DPP8: variants seen among roughly 807,000 people sequenced by gnomAD.
DPP8 encodes the protein dipeptidyl peptidase 8, also known as DPP VIII.
DPP8 carries 31 observed loss-of-function variants against 107.5 expected under a neutral mutation model. The ratio of observed to expected loss-of-function variants is 0.29; its 90% CI spans 0.22 to 0.39. DPP8 has a LOEUF of 0.39. DPP8 is among the 10% of genes least tolerant of loss of function. DPP8 has a pLI of 1.00. For missense variants in DPP8, 842 were observed against 1,076.1 expected (o/e 0.78, Z 3.04); for synonymous variants, 381 against 356.6 (o/e 1.07, Z -0.77).
rs563137383 is a variant in DPP8 at position 65,445,074 on chromosome 15, G to A, written c.*1810C>T. The A allele has an allele frequency of 6.6e-5, 10 of 152,160 alleles. No individual in the cohort carries two copies. Among genetic ancestry groups the A allele is most frequent in the East Asian group, 3.9e-4 (2 of 5,188 alleles). 9.4% of individuals were successfully genotyped at this position (152,160 alleles called of 1,614,324 possible). A position where few individuals can be genotyped will look rare whatever the true frequency, so the allele number is the denominator to read the frequency against. On this transcript the variant is annotated 3_prime_UTR_variant, in exon 20 of 20. Transcript: ENST00000300141. ...ACATATACAGATAATAAGAAAAAGC[G>A]TGGTATCTATTATACAGTATAAATA...
intron 2 of DPP8, among the ~76,000 whole-genome samples, chr15:65,511,090 CAGTACTTCCACTCTT>C (rs2070714573): frequency 6.6e-6 from 1 of 151,824 alleles, no homozygotes; most frequent in African/African-American, 2.4e-5. Context: ...CCCTTTTTCC[CAGTACTTCCACTCTT>C]AGGAATTAGT....
intron 8 of DPP8, among the ~76,000 whole-genome samples, chr15:65,484,565 AAGACTGACTCGGG>A (rs1595999092): frequency 2.6e-5 from 4 of 151,992 alleles, no homozygotes; most frequent in African/African-American, 9.7e-5. Flanking sequence ...CTAGAAGAGG[AAGACTGACTCGGG>A]AGCCTCTCTC....
intron 1 of DPP8, chr15:65,517,230 A>G (rs1222296308): frequency 6.6e-6 from 1 of 152,116 alleles, no homozygotes; most frequent in Non-Finnish European, 1.5e-5. Flanking sequence ...GCCAGCGCCC[A>G]GAGCTCAAGG....
rs2068141408 is a variant in DPP8, at chr15:65,492,504, A to G, written c.716-2205T>C. ...TCTATTATTTTATATTATTACTATC[A>G]AAGTATGAAAGTTCTTCTCCAACAT... On this transcript the variant is annotated intron_variant, in intron 5 of 19. Transcript: ENST00000300141. 2.0e-5 allele frequency among the ~76,000 whole-genome samples: 3 copies of G among 152,180 alleles called. No individual in the cohort carries two copies. In the South Asian group the frequency reaches 6.2e-4, roughly 32 times the overall value.
chr15:65,481,589 T>C lies in DPP8; in HGVS notation c.1044A>G (p.Leu348=). The C allele has an allele frequency of 6.4e-7, 1 of 1,574,610 alleles. No individual in the cohort carries two copies. Among genetic ancestry groups the C allele is most frequent in the Non-Finnish European group, 8.6e-7 (1 of 1,158,060 alleles). ...GRIIDVIDKE[L]IQPFEILFEG... ...CAAATAGAATCTCAAAAGGTTGAATTAGTTCCTTATCTATGACATCTATGA... is the reference window on the plus strand; with the variant it reads ...CAAATAGAATCTCAAAAGGTTGAATCAGTTCCTTATCTATGACATCTATGA... Residue 348 remains leucine (L), a synonymous_variant, in exon 9 of 20, where the codon CTA becomes CTG. Coordinates refer to ENST00000300141, the MANE Select transcript of DPP8 (RefSeq NM_130434.5).
intron 2 of DPP8, 200 bp downstream of exon 2, chr15:65,512,095 T>G (rs571539108): frequency 1.4e-6 from 1 of 712,320 alleles, no homozygotes; most frequent in Admixed American, 2.0e-5. Flanking sequence ...CATGATCAAT[T>G]AATGACTTGT....
chr15:65,495,716 T>C (rs986664487), intron 5 of DPP8, among the ~76,000 whole-genome samples: 1 of 151,886 alleles, frequency 6.6e-6, no homozygotes, highest in South Asian at 2.1e-4. Context: ...CTGGCCAACA[T>C]GGTGAAACCC....
At chr15:65,468,490 A>G (rs2065556774) in intron 12 of DPP8, among the ~76,000 whole-genome samples, 1 of 120,152 alleles carries the variant, frequency 8.3e-6, no homozygotes, top group Non-Finnish European at 1.7e-5. Context: ...CAAGACCCTT[A>G]TCTCAAAAAA....
intron 3 of DPP8, among the ~76,000 whole-genome samples, chr15:65,506,739 T>TTA (rs943837924): frequency 1.1e-4 from 16 of 149,036 alleles, no homozygotes; most frequent in South Asian, 4.2e-4. Flanking sequence ...TTAAAAACTA[T>TTA]TATATATATA....
In DPP8 at chr15:65,490,851, C is replaced by T. The variant is rs1489657286; in HGVS notation, c.716-552G>A. ...GGGGACTCGTTTTAAAAGAAAACCA[C>T]AAAGCCATAATTATGTAAGATTTTG... On this transcript the variant is annotated intron_variant, in intron 5 of 19. Coordinates refer to ENST00000300141, the MANE Select transcript of DPP8 (RefSeq NM_130434.5). Among the ~76,000 whole-genome samples the T allele has an allele frequency of 2.6e-5, 4 of 152,022 alleles. No homozygotes were observed. The East Asian group carries it at 7.7e-4, about 29-fold the overall frequency.
At chr15:65,486,372 A>G (rs1567227063) in intron 7 of DPP8, among the ~76,000 whole-genome samples, 2 of 151,928 alleles carry the variant, frequency 1.3e-5, no homozygotes, top group Non-Finnish European at 1.5e-5. Context: ...ATTGCACTCC[A>G]GCCTGGGTGA....
intron 8 of DPP8, among the ~76,000 whole-genome samples, chr15:65,484,655 C>T (rs987374206): frequency 2.7e-4 from 27 of 98,330 alleles, no homozygotes; most frequent in African/African-American, 1.0e-3. Flanking sequence ...GCTCTTAACT[C>T]AAAAAAAAAA....
chr15:65,455,538 ACTT>A (rs746425683), intron 16 of DPP8: 1 of 465,606 alleles, frequency 2.1e-6, no homozygotes, highest in Non-Finnish European at 3.2e-6. Context: ...TGAACATACT[ACTT>A]CTTTAAAGTC....
At chr15:65,498,156 T>C in intron 4 of DPP8, 124 bp from the exon 5 acceptor site, 1 of 679,386 alleles carries the variant, frequency 1.5e-6, no homozygotes, top group Non-Finnish European at 2.2e-6. Flanking sequence ...GCGTGGTGAC[T>C]TACGCCTGTA....
At chr15:65,513,268 C>T (rs995381374) in intron 1 of DPP8, among the ~76,000 whole-genome samples, 10 of 151,160 alleles carry the variant, frequency 6.6e-5, no homozygotes, top group South Asian at 2.1e-4. Flanking sequence ...GACTGGAGTG[C>T]GGTGGCAAAA....
chr15:65,490,716 G>C (rs1035509083), intron 5 of DPP8, among the ~76,000 whole-genome samples: 3 of 152,172 alleles, frequency 2.0e-5, no homozygotes, highest in Admixed American at 6.6e-5. Context: ...TTTAGACCTA[G>C]AGTGAATCTT....
At position 65,481,603 on chromosome 15, in the gene DPP8, T is replaced by C. The variant is rs1210486796; in HGVS notation, c.1030A>G (p.Ile344Val). The change falls in exon 9 of 20, where the codon ATA becomes GTA. Residue 344 changes from isoleucine (I) to valine (V), a missense_variant. Coordinates refer to ENST00000300141, the MANE Select transcript of DPP8 (RefSeq NM_130434.5). ...IDAEGRIIDV[I>V]DKELIQPFEI... ...AAAGGTTGAATTAGTTCCTTATCTA[T>C]GACATCTATGATCTATTAAAAAAGA... 1 of 1,507,504 alleles carries C rather than the reference T, an allele frequency of 6.6e-7. No individual in the cohort carries two copies. 93.4% of individuals were successfully genotyped at this position (1,507,504 alleles called of 1,614,324 possible).
intron 5 of DPP8, among the ~76,000 whole-genome samples, chr15:65,496,477 T>C (rs960790489): frequency 1.3e-5 from 2 of 152,200 alleles, no homozygotes; most frequent in African/African-American, 4.8e-5. Context: ...CCATCTTTCA[T>C]TTGTATGAAA....
At chr15:65,496,816 ATT>A (rs1185461247) in intron 5 of DPP8, among the ~76,000 whole-genome samples, 4 of 138,860 alleles carry the variant, frequency 2.9e-5, no homozygotes, top group African/African-American at 2.6e-5. Context: ...ACATCCAGCT[ATT>A]TTTTTTTTTT....
Sources: gnomAD v4.1 joint callset for allele counts (sites outside exome capture counted in the v4.1 genomes callset) on GRCh38, gnomAD v4.1.1 for gene constraint, MANE v1.5 for transcripts, NCBI Gene and HGNC (gene_info 2026-07-23, HGNC 2026-07-21) for gene names.